Variants in MAGED1 observed in about 807,000 individuals in gnomAD.
The protein encoded by MAGED1 is melanoma-associated antigen D1.
MAGED1 carries 3 observed loss-of-function variants against 54.1 expected under a neutral mutation model. The ratio of observed to expected loss-of-function variants is 0.06; its 90% CI spans 0.03 to 0.14. MAGED1 has a LOEUF of 0.14. Ranked by LOEUF, MAGED1 falls within the 10% of genes least tolerant of loss-of-function variation. The pLI, the probability that MAGED1 is intolerant of heterozygous loss-of-function variation, is 1.00. For synonymous variants in MAGED1, 217 were observed against 227.3 expected (o/e 0.95, Z 0.41); for missense variants, 485 against 623.4 (o/e 0.78, Z 2.36).
At chrX:51,874,111 A>T (rs183752374) in intron 1 of MAGED1, among the ~76,000 whole-genome samples, 1 of 111,520 alleles carries the variant, frequency 9.0e-6, no homozygotes, top group Non-Finnish European at 1.9e-5. Flanking sequence ...GAAAATCACG[A>T]TGGTGCTAGA....
intron 1 of MAGED1, among the ~76,000 whole-genome samples, chrX:51,820,481 G>A (rs1208862473): frequency 8.9e-5 from 10 of 111,787 alleles, no homozygotes; most frequent in African/African-American, 2.9e-4. Flanking sequence ...TGTACAAGTT[G>A]TGGTCCCACA....
intron 1 of MAGED1, among the ~76,000 whole-genome samples, chrX:51,830,089 A>G (rs1190392107): frequency 1.8e-5 from 2 of 112,242 alleles, no homozygotes; most frequent in Non-Finnish European, 3.8e-5. Flanking sequence ...ATCTATTCAT[A>G]CAGTGCAATT....
upstream of MAGED1, among the ~76,000 whole-genome samples, chrX:51,890,832 CAAAAAAA>C (rs11393540): frequency 1.1e-4 from 7 of 62,918 alleles, no homozygotes; most frequent in Non-Finnish European, 1.5e-4. Flanking sequence ...ATAAGATTGG[CAAAAAAA>C]AAAAAAAAAA....
intron 1 of MAGED1, among the ~76,000 whole-genome samples, chrX:51,852,989 T>C (rs1926950886): frequency 8.9e-6 from 1 of 111,950 alleles, no homozygotes. Context: ...TGACTACTGC[T>C]TGATGAATGA....
chrX:51,843,056 A>G (rs782382152), intron 1 of MAGED1, among the ~76,000 whole-genome samples: 7 of 111,692 alleles, frequency 6.3e-5, no homozygotes, highest in Non-Finnish European at 1.1e-4. Context: ...GAGTTTTTAT[A>G]AGTCTCCTTT....
chrX:51,894,945 C>G, intron 2 of MAGED1, 108 bp from the exon 3 acceptor site: 1 of 910,207 alleles, frequency 1.1e-6, no homozygotes, highest in East Asian at 3.3e-5. Flanking sequence ...TTGCACCCAC[C>G]GCCCGCCTGC....
chrX:51,850,108 A>T (rs1232955243), intron 1 of MAGED1, among the ~76,000 whole-genome samples: 2 of 110,304 alleles, frequency 1.8e-5, no homozygotes, highest in Admixed American at 1.9e-4. Flanking sequence ...TTTAGTAGAG[A>T]TGGGGTTTTG....
chrX:51,864,439 G>A (rs1292423403), intron 1 of MAGED1, among the ~76,000 whole-genome samples: 1 of 111,430 alleles, frequency 9.0e-6, no homozygotes, highest in Middle Eastern at 4.6e-3. Context: ...GCTTTGTAAC[G>A]TAATGTGAAA....
intron 1 of MAGED1, among the ~76,000 whole-genome samples, chrX:51,808,882 G>C (rs1210223009): frequency 1.8e-5 from 2 of 111,645 alleles, no homozygotes; most frequent in Non-Finnish European, 3.8e-5. Context: ...TAATTCATAG[G>C]TGCATTAAGT....
At chrX:51,857,165 C>A (rs1306197891) in intron 1 of MAGED1, 1 of 111,718 alleles carries the variant, frequency 9.0e-6, no homozygotes, top group Non-Finnish European at 1.9e-5. Flanking sequence ...TGAGGACTCA[C>A]ACCTGAGAAT....
intron 1 of MAGED1, among the ~76,000 whole-genome samples, chrX:51,862,460 C>G (rs953763846): frequency 9.0e-6 from 1 of 111,401 alleles, no homozygotes; most frequent in African/African-American, 3.3e-5. Context: ...CCTATCCAAT[C>G]ACACCTTCCT....
In MAGED1 at chrX:51,897,435, G is replaced by A. The variant is rs1330833972; in HGVS notation, c.1487-112G>A. 31 of 773,745 alleles carry A rather than the reference G, an allele frequency of 4.0e-5. No individual in the cohort carries two copies. The African/African-American group carries it at 5.4e-4, about 13-fold the overall frequency. The allele number at this position is 773,745 out of a possible 1,213,427, so 63.8% of individuals were successfully genotyped here. On this transcript the variant is annotated intron_variant, in intron 5 of 12. Transcript: ENST00000326587. Reference sequence around the variant, plus strand: ...TTCTATCCCCTCCTTTCCATGGTTGGCTCTTTCCACCCTTGAGGACCTTGA... The same window carrying A: ...TTCTATCCCCTCCTTTCCATGGTTGACTCTTTCCACCCTTGAGGACCTTGA...
chrX:51,898,000 C>A, intron 7 of MAGED1, 114 bp downstream of exon 7: 1 of 889,678 alleles, frequency 1.1e-6, no homozygotes, highest in Non-Finnish European at 1.6e-6. Flanking sequence ...ATGGGCAGAG[C>A]TGGGGTATAA....
intron 1 of MAGED1, among the ~76,000 whole-genome samples, chrX:51,813,021 CTTTT>C (rs781836909): frequency 2.6e-5 from 2 of 76,831 alleles, no homozygotes; most frequent in Admixed American, 1.5e-4. Context: ...CCGCTGACAT[CTTTT>C]TTTTTTTTTT....
intron 11 of MAGED1, 108 bp from the exon 12 acceptor site, chrX:51,901,445 G>A (rs1008114850): frequency 1.3e-5 from 9 of 691,592 alleles, no homozygotes; most frequent in Non-Finnish European, 1.9e-5. Context: ...TTGTGTGTGT[G>A]TGTATCACAT....
At chrX:51,804,585 T>G (rs1443274474) in intron 1 of MAGED1, among the ~76,000 whole-genome samples, 3 of 111,442 alleles carry the variant, frequency 2.7e-5, no homozygotes, top group Non-Finnish European at 5.6e-5. Flanking sequence ...GATACAACAG[T>G]GGATAACAAA....
At chrX:51,894,429 G>T in intron 2 of MAGED1, 80 bp downstream of exon 2, 3 of 988,261 alleles carry the variant, frequency 3.0e-6, no homozygotes, top group Non-Finnish European at 4.2e-6. Flanking sequence ...TCTCCCAAAC[G>T]CCGGGATCCG....
At chrX:51,863,057 G>T (rs1557360810) in intron 1 of MAGED1, among the ~76,000 whole-genome samples, 2 of 111,515 alleles carry the variant, frequency 1.8e-5, no homozygotes, top group African/African-American at 6.5e-5. Context: ...CTGTACATTA[G>T]ATCTCCAGAA....
At chrX:51,842,941 C>T (rs948461032) in intron 1 of MAGED1, among the ~76,000 whole-genome samples, 3 of 110,810 alleles carry the variant, frequency 2.7e-5, no homozygotes, top group Non-Finnish European at 3.8e-5. Flanking sequence ...GTGATCCACC[C>T]GCCTCAGCCT....
Sources: allele counts gnomAD v4.1 joint callset (sites outside exome capture counted in the v4.1 genomes callset), GRCh38; gene constraint gnomAD v4.1.1; transcripts MANE v1.5; gene names NCBI Gene and HGNC (gene_info 2026-07-23, HGNC 2026-07-21).